The following SLIT3 variants were observed in gnomAD, a reference collection of about 807,000 sequenced individuals.
The protein encoded by SLIT3 is slit guidance ligand 3.
A neutral mutation model predicts 184.0 loss-of-function variants in SLIT3; 68 were observed. The observed-to-expected ratio is 0.37, with a 90% CI of 0.30 to 0.45. The LOEUF (loss-of-function observed/expected upper bound fraction) is 0.45. SLIT3 is among the 20% of genes least tolerant of loss of function. SLIT3 has a pLI of 1.00. For synonymous variants in SLIT3, 831 were observed against 828.6 expected, an observed-to-expected ratio of 1.00 and a Z score of -0.05; for missense variants, 1,707 against 2,026.0, an observed-to-expected ratio of 0.84 and a Z score of 3.02.
rs188112425 is a variant in SLIT3 at position 168,969,953 on chromosome 5, C to T, written c.414-86617G>A. ...CGCCAGCACTTTGGGAGGCCGAGGC[C>T]GGTGGATCATGAGGTCAGGAGATCG... On this transcript the variant is annotated intron_variant, in intron 4 of 35. Coordinates refer to ENST00000519560, the MANE Select transcript of SLIT3 (RefSeq NM_003062.4). Among the ~76,000 whole-genome samples the T allele has an allele frequency of 3.3e-4, 50 of 151,800 alleles. No homozygotes were observed. In the Middle Eastern group the frequency reaches 0.014, roughly 42 times the overall value.
chr5:169,052,086 TC>T (rs1336683462), intron 4 of SLIT3, among the ~76,000 whole-genome samples: 2 of 147,092 alleles, frequency 1.4e-5, no homozygotes, highest in African/African-American at 5.0e-5. Flanking sequence ...GAGAACTTCT[TC>T]ACAGAAATGC....
At chr5:168,939,384 T>C (rs140028137) in intron 4 of SLIT3, among the ~76,000 whole-genome samples, 295 of 152,314 alleles carry the variant, frequency 1.9e-3, no homozygotes, top group African/African-American at 5.9e-3. Flanking sequence ...GTGAGCTTAA[T>C]AGATCCCACA....
intron 4 of SLIT3, among the ~76,000 whole-genome samples, chr5:169,083,022 T>C (rs929489570): frequency 2.0e-5 from 3 of 151,134 alleles, no homozygotes; most frequent in Non-Finnish European, 4.4e-5. Flanking sequence ...TTATTAAATC[T>C]CTACCATATG....
chr5:168,994,623 C>CCTTTTT (rs1755447165), intron 4 of SLIT3, among the ~76,000 whole-genome samples: 1 of 47,100 alleles, frequency 2.1e-5, no homozygotes, highest in Admixed American at 3.0e-4. Flanking sequence ...TGGCATTCTA[C>CCTTTTT]TTTTTTTTTT....
chr5:168,703,360 C>T (rs183256530), intron 26 of SLIT3, among the ~76,000 whole-genome samples: 221 of 151,776 alleles, frequency 1.5e-3, no homozygotes, highest in East Asian at 5.7e-3. Flanking sequence ...TACCGGTCCC[C>T]GTTAGGAACC....
At chr5:169,223,013 G>A (rs1382826999) in intron 3 of SLIT3, among the ~76,000 whole-genome samples, 1 of 152,170 alleles carries the variant, frequency 6.6e-6, no homozygotes, top group African/African-American at 2.4e-5. Flanking sequence ...CCATGCCACA[G>A]TTCAAAGGGG....
chr5:168,744,610 C>T (rs1239966390), intron 20 of SLIT3, among the ~76,000 whole-genome samples: 1 of 152,208 alleles, frequency 6.6e-6, no homozygotes. Context: ...ATTTACCGTT[C>T]TGAAAATCCT....
intron 4 of SLIT3, among the ~76,000 whole-genome samples, chr5:169,084,878 C>T (rs1759227881): frequency 6.6e-6 from 1 of 152,150 alleles, no homozygotes; most frequent in Admixed American, 6.5e-5. Context: ...TCCTAATCCA[C>T]ACAAAGGCTC....
chr5:169,212,874 T>C (rs58995457), intron 3 of SLIT3, among the ~76,000 whole-genome samples: 27,932 of 152,152 alleles, frequency 0.18, 2,872 homozygotes, highest in East Asian at 0.44. Flanking sequence ...CTAGCCAGTT[T>C]TCCTAACACC....
intron 4 of SLIT3, among the ~76,000 whole-genome samples, chr5:168,909,715 G>C (rs1220638190): frequency 6.6e-6 from 1 of 152,158 alleles, no homozygotes; most frequent in Non-Finnish European, 1.5e-5. Flanking sequence ...AGAACAAAAC[G>C]ATGCCTCCTG....
chr5:169,164,962 C>T (rs1014229724), intron 4 of SLIT3, among the ~76,000 whole-genome samples: 1 of 152,222 alleles, frequency 6.6e-6, no homozygotes, highest in African/African-American at 2.4e-5. Flanking sequence ...ATTGCTGTGC[C>T]AATCTGGGGA....
At chr5:168,785,254 A>G (rs1439831837) in intron 12 of SLIT3, among the ~76,000 whole-genome samples, 1 of 152,234 alleles carries the variant, frequency 6.6e-6, no homozygotes, top group Admixed American at 6.5e-5. Flanking sequence ...ACTATGAGCT[A>G]AATTCTTTTC....
At chr5:168,861,408 G>A (rs572256524) in intron 5 of SLIT3, among the ~76,000 whole-genome samples, 2 of 10,550 alleles carry the variant, frequency 1.9e-4, no homozygotes, top group African/African-American at 3.3e-4. Context: ...CCTGCCCCCC[G>A]CCCCCACCAG....
chr5:169,262,932 C>G (rs1166142532), intron 1 of SLIT3, among the ~76,000 whole-genome samples: 1 of 152,124 alleles, frequency 6.6e-6, no homozygotes, highest in Non-Finnish European at 1.5e-5. Context: ...AAGTCCTAAC[C>G]CCAGCTACCT....
intron 3 of SLIT3, 48 bp downstream of exon 3, chr5:169,244,657 A>C (rs1166385797): frequency 1.3e-6 from 2 of 1,537,618 alleles, no homozygotes; most frequent in Non-Finnish European, 9.0e-7. Context: ...AACAAAAAAC[A>C]CTAAATGTAA....
intron 8 of SLIT3, among the ~76,000 whole-genome samples, chr5:168,808,985 A>G (rs1173235683): frequency 1.3e-5 from 2 of 152,142 alleles, no homozygotes; most frequent in Non-Finnish European, 2.9e-5. Flanking sequence ...TGGGAGTCTG[A>G]ACTCTTGCAT....
intron 5 of SLIT3, among the ~76,000 whole-genome samples, chr5:168,875,176 G>A (rs1353739805): frequency 7.3e-6 from 1 of 136,356 alleles, no homozygotes; most frequent in Non-Finnish European, 1.6e-5. Context: ...AGGAAAGAAG[G>A]GAGGAAGACA....
chr5:168,979,941 C>G (rs564255020), intron 4 of SLIT3, among the ~76,000 whole-genome samples: 73 of 152,186 alleles, frequency 4.8e-4, no homozygotes, highest in African/African-American at 1.6e-3. Flanking sequence ...CTTCTTAGCT[C>G]CTAGGCTCAC....
In SLIT3 at chr5:168,773,048, G is replaced by C. The variant is rs1379681200; in HGVS notation, c.1296-104C>G. On this transcript the variant is annotated intron_variant, in intron 13 of 35. Transcript: ENST00000519560. The stretch of plus-strand genomic sequence containing the variant: ...GCCCTGGCAATCCACTGCAAGGACT[G>C]GCCTCCTGCCTCATCGCCCCAGGAA... 4.9e-6 allele frequency: 6 copies of C among 1,214,632 alleles called. No homozygotes were observed. In the African/African-American group the frequency reaches 7.6e-5, roughly 15 times the overall value. The allele number at this position is 1,214,632 out of a possible 1,614,324, so 75.2% of individuals were successfully genotyped here.
Sources: gnomAD v4.1 joint callset for allele counts (sites outside exome capture counted in the v4.1 genomes callset) on GRCh38, gnomAD v4.1.1 for gene constraint, MANE v1.5 for transcripts, NCBI Gene and HGNC (gene_info 2026-07-23, HGNC 2026-07-21) for gene names.